CDH23: variants seen among roughly 807,000 people sequenced by gnomAD.
CDH23 encodes the protein cadherin related 23.
A neutral mutation model predicts 317.1 loss-of-function variants in CDH23; 189 were observed. That is an observed-to-expected ratio of 0.60 (90% CI 0.53 to 0.67). The LOEUF (loss-of-function observed/expected upper bound fraction) is 0.67. Ranked by LOEUF, CDH23 falls within the 30% of genes least tolerant of loss-of-function variation. The pLI is 0.00. For synonymous variants in CDH23, 1,839 were observed against 1,876.8 expected (o/e 0.98, Z 0.52); for missense variants, 4,401 against 4,592.4 (o/e 0.96, Z 1.20).
At chr10:71,813,762 G>C (rs1842022890) in intron 69 of CDH23, among the ~76,000 whole-genome samples, 1 of 152,116 alleles carries the variant, frequency 6.6e-6, no homozygotes, top group African/African-American at 2.4e-5. Context: ...CAAAAAATTA[G>C]CCGGGCCTGG....
chr10:71,614,846 A>G (rs1861097431), intron 9 of CDH23, among the ~76,000 whole-genome samples: 1 of 151,904 alleles, frequency 6.6e-6, no homozygotes, highest in South Asian at 2.1e-4. Flanking sequence ...AAGGTGGCAG[A>G]GGGAGAGGGG....
chr10:71,457,432 A>T (rs1229166451), intron 3 of CDH23, among the ~76,000 whole-genome samples: 2 of 152,170 alleles, frequency 1.3e-5, no homozygotes, highest in Admixed American at 6.5e-5. Context: ...TAGAGTCAGG[A>T]TTTGAATTCC....
chr10:71,564,299 A>G (rs1857281426), intron 6 of CDH23, among the ~76,000 whole-genome samples: 1 of 152,186 alleles, frequency 6.6e-6, no homozygotes. Flanking sequence ...CCTTCCCCGC[A>G]TCTACTTCCC....
chr10:71,690,407 C>A, intron 19 of CDH23, 61 bp from the exon 20 acceptor site: 1 of 1,274,696 alleles, frequency 7.8e-7, no homozygotes. Flanking sequence ...AGGGCTGGGG[C>A]CTTGAAGCCA....
chr10:71,397,272 G>C lies in CDH23; in HGVS notation c.-52G>C, dbSNP rs760368228. On this transcript the variant is annotated 5_prime_UTR_variant, in exon 1 of 70. Transcript: ENST00000224721. This position sits in a 1 kb window ranked among gnomAD's most constrained non-coding sequence, Gnocchi z 4.8. ...GCGGGGGCCGATCCGGCGGAGAGCA[G>C]AGCCCGAGGCGAGGCGAGGCGCGGC... The C allele has an allele frequency of 6.0e-6, 1 of 166,010 alleles. No individual in the cohort carries two copies. The highest frequency in any genetic ancestry group is 2.6e-5 in the African/African-American group (1 of 37,952). 10.3% of individuals were successfully genotyped at this position (166,010 alleles called of 1,614,324 possible).
intron 1 of CDH23, among the ~76,000 whole-genome samples, chr10:71,404,120 G>C (rs928780970): frequency 6.6e-6 from 1 of 152,070 alleles, no homozygotes; most frequent in African/African-American, 2.4e-5. Flanking sequence ...ATAAATTCAC[G>C]GAAGAATACA....
rs116161300 is a variant in CDH23, at chr10:71,550,166, T to C, written c.430-16576T>C. 3.1e-3 allele frequency among the ~76,000 whole-genome samples: 468 copies of C among 152,278 alleles called. 8 individuals are homozygous for C. Among genetic ancestry groups the C allele is most frequent in the African/African-American group, 0.011 (448 of 41,558 alleles). On this transcript the variant is annotated intron_variant, in intron 6 of 69. Transcript: ENST00000224721. ...CCTCCTTTACAATGGGGATAAAGCC[T>C]CAGGGACTGTTGTGAGGGCTGAAGA...
intron 6 of CDH23, among the ~76,000 whole-genome samples, chr10:71,541,232 C>T (rs1267342541): frequency 6.6e-6 from 1 of 152,166 alleles, no homozygotes; most frequent in Non-Finnish European, 1.5e-5. Flanking sequence ...TATGCCAAGG[C>T]CCAGTTTGGG....
intron 9 of CDH23, 63 bp from the exon 10 acceptor site, chr10:71,615,440 GC>G: frequency 1.8e-6 from 2 of 1,120,308 alleles, no homozygotes; most frequent in Non-Finnish European, 2.7e-6. Flanking sequence ...ATGCCCCCCT[GC>G]CCCCAGCTCC....
At chr10:71,404,696 C>T (rs547191016) in intron 1 of CDH23, among the ~76,000 whole-genome samples, 1 of 152,354 alleles carries the variant, frequency 6.6e-6, no homozygotes, top group African/African-American at 2.4e-5. Context: ...TTTCAGACCC[C>T]AGCAGCCCCG....
chr10:71,614,598 C>T (rs1039716280), intron 9 of CDH23, among the ~76,000 whole-genome samples: 13 of 152,190 alleles, frequency 8.5e-5, no homozygotes, highest in African/African-American at 2.9e-4. Flanking sequence ...CAATAATCAA[C>T]TGGGGAACAG....
rs957510320 is a variant in CDH23, at chr10:71,621,042, T to C, written c.1134+3649T>C. ...GACCCCCGTGTAGCATTTAGCCACA[T>C]TGTCAACAGGAGCAAAAGAAGGACT... is the stretch of plus-strand genomic sequence containing the variant. On this transcript the variant is annotated intron_variant, in intron 11 of 69. Transcript: ENST00000224721. Among the ~76,000 whole-genome samples the C allele has an allele frequency of 5.0e-4, 76 of 152,290 alleles. 1 individual carries two copies. Among genetic ancestry groups the C allele is most frequent in the African/African-American group, 1.8e-3 (75 of 41,556 alleles).
chr10:71,429,590 T>C lies in CDH23; in HGVS notation c.-5-10237T>C, dbSNP rs550638337. Among the ~76,000 whole-genome samples the C allele has an allele frequency of 5.3e-5, 8 of 152,168 alleles. No individual in the cohort carries two copies. The South Asian group carries it at 1.7e-3, about 32-fold the overall frequency. ...CAGGTTTGAGGCTGAGAGGGGCTAG[T>C]GTGGCTGAAATACAGTGATCGGGGA... On this transcript the variant is annotated intron_variant, in intron 1 of 69. Coordinates refer to ENST00000224721, the MANE Select transcript of CDH23 (RefSeq NM_022124.6).
At chr10:71,642,244 A>G (rs1862586137) in intron 11 of CDH23, among the ~76,000 whole-genome samples, 1 of 152,028 alleles carries the variant, frequency 6.6e-6, no homozygotes, top group Non-Finnish European at 1.5e-5. Flanking sequence ...GGTAACTAAC[A>G]TTGCTGACTG....
At chr10:71,398,628 G>A (rs140308920) in intron 1 of CDH23, among the ~76,000 whole-genome samples, 66 of 152,142 alleles carry the variant, frequency 4.3e-4, no homozygotes, top group African/African-American at 1.5e-3. Context: ...TTGGTTCGTG[G>A]TGCAGGGGTA....
At chr10:71,666,689 C>T (rs967432009) in intron 14 of CDH23, among the ~76,000 whole-genome samples, 4 of 152,152 alleles carry the variant, frequency 2.6e-5, no homozygotes, top group African/African-American at 9.7e-5. Context: ...GAACCCTTGT[C>T]CACAGCACTA....
intron 11 of CDH23, among the ~76,000 whole-genome samples, chr10:71,630,865 C>T (rs887571427): frequency 6.6e-6 from 1 of 152,220 alleles, no homozygotes; most frequent in African/African-American, 2.4e-5. Flanking sequence ...CATTGGCTCT[C>T]AGGAGCCTCT....
chr10:71,584,572 G>A (rs1484920668), intron 9 of CDH23, among the ~76,000 whole-genome samples: 1 of 151,462 alleles, frequency 6.6e-6, no homozygotes, highest in East Asian at 2.0e-4. Flanking sequence ...GTGTGTGTGT[G>A]TGTACGCAGG....
intron 13 of CDH23, among the ~76,000 whole-genome samples, 179 bp from the exon 14 acceptor site, chr10:71,646,280 A>T (rs1381150650): frequency 6.6e-6 from 1 of 152,210 alleles, no homozygotes; most frequent in Non-Finnish European, 1.5e-5. Flanking sequence ...TAGCAGAATC[A>T]GCAGCCATCC....
Sources: gnomAD v4.1 joint callset for allele counts (sites outside exome capture counted in the v4.1 genomes callset) on GRCh38, gnomAD v4.1.1 for gene constraint, Gnocchi (gnomAD v3.1) non-coding constraint, MANE v1.5 for transcripts, NCBI Gene and HGNC (gene_info 2026-07-23, HGNC 2026-07-21) for gene names.